The following ABI3 variants were observed in gnomAD, a reference collection of about 807,000 sequenced individuals.
ABI3 encodes ABI gene family member 3.
In ABI3, 24 loss-of-function variants were observed where a neutral mutation model predicts 37.0. The observed-to-expected ratio is 0.65, with a 90% CI of 0.47 to 0.91. The LOEUF (loss-of-function observed/expected upper bound fraction) is 0.91. Among genes scored for constraint, ABI3 ranks in the 40% least tolerant of loss-of-function variants. The pLI is 0.00. For synonymous variants in ABI3, 220 were observed against 211.8 expected, an observed-to-expected ratio of 1.04 and a Z score of -0.34; for missense variants, 481 against 485.1, an observed-to-expected ratio of 0.99 and a Z score of 0.08.
At position 49,217,750 on chromosome 17, in the gene ABI3, G is replaced by A. The variant is rs756838495; in HGVS notation, c.297G>A (p.Met99Ile). Residue 99 changes from methionine (M) to isoleucine (I), a missense_variant, in exon 3 of 8, where the codon ATG (methionine) becomes ATA (isoleucine). Transcript: ENST00000225941. ...RVSTLGQMVNMHMEKVARREI... is the reference protein window; with the variant it reads ...RVSTLGQMVNIHMEKVARREI... Reference sequence around the variant, plus strand: ...ACCCTGTCATGCAGATGGTGAACATGCATATGGAGAAGGTGGCCCGAAGGG... The same window carrying A: ...ACCCTGTCATGCAGATGGTGAACATACATATGGAGAAGGTGGCCCGAAGGG... 1 of 1,608,422 alleles carries A rather than the reference G, an allele frequency of 6.2e-7. No homozygotes were observed. Among genetic ancestry groups the A allele is most frequent in the East Asian group, 2.3e-5 (1 of 44,228 alleles).
intron 2 of ABI3, 148 bp from the exon 3 acceptor site, chr17:49,217,591 T>TG: frequency 1.7e-6 from 1 of 586,146 alleles, no homozygotes; most frequent in Non-Finnish European, 2.6e-6. Flanking sequence ...TGTAGCCTGG[T>TG]GGGGGGCGGG....
intron 1 of ABI3, among the ~76,000 whole-genome samples, chr17:49,212,733 C>G (rs527435124): frequency 6.6e-6 from 1 of 152,172 alleles, no homozygotes; most frequent in South Asian, 2.1e-4. Flanking sequence ...TGAATTCAAA[C>G]GCAGAAATCT....
intron 3 of ABI3, among the ~76,000 whole-genome samples, chr17:49,218,346 C>T (rs2043243451): frequency 6.6e-6 from 1 of 152,240 alleles, no homozygotes; most frequent in African/African-American, 2.4e-5. Flanking sequence ...AGCGGGGATA[C>T]AGCCACACAA....
At position 49,222,737 on chromosome 17, in the gene ABI3, G is replaced by T; in HGVS notation, c.*22G>T. 6.5e-7 allele frequency: 1 copy of T among 1,545,682 alleles called. No individual in the cohort carries two copies. ...CTGACAGCCCAGGGCTCTCTGGGCA[G>T]CTGATGTCTGCACTGAGTGGGTTTC... On this transcript the variant is annotated 3_prime_UTR_variant, in exon 8 of 8. Coordinates refer to ENST00000225941, the MANE Select transcript of ABI3 (RefSeq NM_016428.3).
intron 7 of ABI3, 161 bp from the exon 8 acceptor site, chr17:49,222,389 AAT>A: frequency 7.4e-7 from 1 of 1,344,908 alleles, no homozygotes; most frequent in Non-Finnish European, 1.0e-6. Context: ...CCTGGTATTA[AAT>A]ATTAACTAAG....
chr17:49,222,568 A>T lies in ABI3; in HGVS notation c.954A>T (p.Pro318=). 1.2e-6 allele frequency: 2 copies of T among 1,613,922 alleles called. No homozygotes were observed. Among genetic ancestry groups the T allele is most frequent in the Non-Finnish European group, 1.7e-6 (2 of 1,180,002 alleles). Reference sequence around the variant, plus strand: ...GCCCTGCAGTGGTGACACTGTACCCATACACCAGCCAGAAGGACAATGAGC... The same window carrying T: ...GCCCTGCAGTGGTGACACTGTACCCTTACACCAGCCAGAAGGACAATGAGC... ...SYLEKVVTLY[P]YTSQKDNELS... Residue 318 remains proline, a synonymous_variant, in exon 8 of 8, where the codon CCA becomes CCT. Transcript: ENST00000225941.
chr17:49,210,914 C>A lies in ABI3; in HGVS notation c.117+73C>A. 1 of 1,252,938 alleles carries A rather than the reference C, an allele frequency of 8.0e-7. No homozygotes were observed. Among genetic ancestry groups the A allele is most frequent in the Non-Finnish European group, 1.1e-6 (1 of 895,432 alleles). 77.6% of individuals were successfully genotyped at this position (1,252,938 alleles called of 1,614,324 possible). A position where few individuals can be genotyped will look rare whatever the true frequency, so the allele number is the denominator to read the frequency against. ...ACCCTGAGCCCTGCCCCAAGTGGGG[C>A]CCTGGGACCCATCCTGACAGTGCTT... On this transcript the variant is annotated intron_variant, in intron 1 of 7. Coordinates refer to ENST00000225941, the MANE Select transcript of ABI3 (RefSeq NM_016428.3). The surrounding 1 kb of genome is among the most constrained non-coding windows in gnomAD (Gnocchi z 4.2).
rs752243727 is a variant in ABI3 at position 49,220,257 on chromosome 17, C to G, written c.733C>G (p.Pro245Ala). Residue 245 changes from proline (P) to alanine (A), a missense_variant, in exon 6 of 8, where the codon CCT becomes GCT. Physicochemically the swap from Pro to Ala is conservative, Grantham distance 27 (BLOSUM62 -1). Coordinates refer to ENST00000225941, the MANE Select transcript of ABI3 (RefSeq NM_016428.3). ...PPLPSSLDPP[P>A]PPAAVEVFQR... ...TCTCCCCAGCTCCTTGGACCCACCT[C>G]CTCCACCAGCAGCCGTCGAGGTGTT... is the stretch of plus-strand genomic sequence containing the variant. 16 of 1,609,812 alleles carry G rather than the reference C, an allele frequency of 9.9e-6. No individual in the cohort carries two copies. In the African/African-American group the frequency reaches 1.3e-4, roughly 13 times the overall value.
At chr17:49,211,333 T>C (rs2043165252) in intron 1 of ABI3, among the ~76,000 whole-genome samples, 2 of 152,098 alleles carry the variant, frequency 1.3e-5, no homozygotes. Context: ...TAGGCTGGGC[T>C]AAAGAGAGGG....
At position 49,222,180 on chromosome 17, in the gene ABI3, G is replaced by T; in HGVS notation, c.892G>T (p.Gly298Trp). ...GCTGCCTCCACCCCCACCAGGATTT[G>T]GGCCTGATGAGCCCAGCTGGGTGCC... ...LGLPPPPPGF[G>W]PDEPSWVPAS... Residue 298 changes from glycine to tryptophan, a missense_variant, in exon 7 of 8, where the codon GGG becomes TGG. Physicochemically the swap from Gly to Trp is radical, Grantham distance 184. Transcript: ENST00000225941. The T allele has an allele frequency of 6.2e-7, 1 of 1,613,736 alleles. No individual in the cohort carries two copies. Among genetic ancestry groups the T allele is most frequent in the Non-Finnish European group, 8.5e-7 (1 of 1,179,840 alleles).
chr17:49,218,164 C>G (rs1026296408), intron 3 of ABI3, among the ~76,000 whole-genome samples: 2 of 152,222 alleles, frequency 1.3e-5, no homozygotes, highest in African/African-American at 2.4e-5. Context: ...CTCGCCCCCC[C>G]GCCCTGCCCC....
intron 1 of ABI3, among the ~76,000 whole-genome samples, chr17:49,211,665 C>CT (rs1012086463): frequency 6.6e-6 from 1 of 151,882 alleles, no homozygotes; most frequent in South Asian, 2.1e-4. Flanking sequence ...CCAGGCATTC[C>CT]TTTTTTTTCG....
In ABI3 at chr17:49,217,783, C is replaced by G; in HGVS notation, c.330C>G (p.Gly110=). ...AGAAGGTGGCCCGAAGGGAGATCGG[C>G]ACCTTAGCCACTGTCCAGCGGCTGC... ...HMEKVARREI[G]TLATVQRLPP... The change falls in exon 3 of 8, where the codon GGC becomes GGG. Residue 110 remains glycine, a synonymous_variant. Transcript: ENST00000225941. 2 of 1,611,658 alleles carry G rather than the reference C, an allele frequency of 1.2e-6. No homozygotes were observed. The highest frequency in any genetic ancestry group is 1.7e-6 in the Non-Finnish European group (2 of 1,178,960).
intron 1 of ABI3, 25 bp from the exon 2 acceptor site, chr17:49,216,506 T>C (rs1197691846): frequency 1.3e-6 from 2 of 1,496,678 alleles, no homozygotes; most frequent in South Asian, 1.3e-5. Flanking sequence ...TGCTGGCCCT[T>C]AGGCCAGGGC....
intron 1 of ABI3, among the ~76,000 whole-genome samples, chr17:49,211,386 G>A (rs1288838132): frequency 2.0e-5 from 3 of 152,182 alleles, no homozygotes; most frequent in Admixed American, 2.0e-4. Flanking sequence ...TAACTGCTGG[G>A]AGCAGGCTTC....
At chr17:49,211,030 C>T (rs900835105) in intron 1 of ABI3, among the ~76,000 whole-genome samples, 189 bp downstream of exon 1, 2 of 152,174 alleles carry the variant, frequency 1.3e-5, no homozygotes, top group African/African-American at 2.4e-5. Context: ...ACTACCCAAG[C>T]CCCCACTGTG....
intron 6 of ABI3, among the ~76,000 whole-genome samples, chr17:49,220,849 TAATAATA>T (rs2043277712): frequency 7.7e-5 from 1 of 13,038 alleles, no homozygotes; most frequent in Non-Finnish European, 2.0e-4. Flanking sequence ...CATCTCAAAA[TAATAATA>T]ATAATAATAA....
chr17:49,218,666 C>T (rs569466914), intron 3 of ABI3, among the ~76,000 whole-genome samples: 5 of 151,404 alleles, frequency 3.3e-5, no homozygotes, highest in East Asian at 1.9e-4. Flanking sequence ...TGCAATGGCA[C>T]GATCTTGGCT....
At chr17:49,212,908 T>C (rs2043183255) in intron 1 of ABI3, among the ~76,000 whole-genome samples, 2 of 152,168 alleles carry the variant, frequency 1.3e-5, no homozygotes, top group Non-Finnish European at 2.9e-5. Context: ...TGGACAAGGA[T>C]CCAAGCAGTC....
Sources: gnomAD v4.1 joint callset for allele counts (sites outside exome capture counted in the v4.1 genomes callset) on GRCh38, gnomAD v4.1.1 for gene constraint, Gnocchi (gnomAD v3.1) non-coding constraint, MANE v1.5 for transcripts, NCBI Gene and HGNC (gene_info 2026-07-23, HGNC 2026-07-21) for gene names.